The following COG5 variants were observed in gnomAD, a reference collection of about 807,000 sequenced individuals.
The protein encoded by COG5 is conserved oligomeric Golgi complex subunit 5.
In COG5, 86 loss-of-function variants were observed where a neutral mutation model predicts 110.4. The observed-to-expected ratio is 0.78, with a 90% confidence interval of 0.65 to 0.93. The LOEUF (loss-of-function observed/expected upper bound fraction) is 0.93. COG5 is among the 40% of genes least tolerant of loss of function. COG5 has a pLI of 0.00. For missense variants in COG5, 1,077 were observed against 987.0 expected (o/e 1.09, Z -1.22); for synonymous variants, 360 against 334.6 (o/e 1.08, Z -0.83).
intron 8 of COG5, among the ~76,000 whole-genome samples, chr7:107,366,371 C>G (rs899961804): frequency 2.8e-4 from 42 of 151,984 alleles, no homozygotes; most frequent in African/African-American, 9.9e-4. Context: ...GCACCAAGTG[C>G]AAGAAGATAC....
intron 10 of COG5, among the ~76,000 whole-genome samples, chr7:107,326,954 T>A (rs950364945): frequency 6.6e-6 from 1 of 152,046 alleles, no homozygotes; most frequent in Non-Finnish European, 1.5e-5. Context: ...GGTGGGAGAA[T>A]TGCTTGAGCC....
intron 17 of COG5, among the ~76,000 whole-genome samples, chr7:107,242,443 T>A (rs1801718067): frequency 6.6e-6 from 1 of 152,180 alleles, no homozygotes; most frequent in Non-Finnish European, 1.5e-5. Flanking sequence ...CATGGGTACC[T>A]GTTCCCATAT....
At chr7:107,241,417 C>CATCT (rs1429117776) in intron 17 of COG5, among the ~76,000 whole-genome samples, 108 of 135,830 alleles carry the variant, frequency 8.0e-4, no homozygotes, top group Middle Eastern at 3.9e-3. Flanking sequence ...TATCTATATC[C>CATCT]ATCTATCTAT....
intron 18 of COG5, among the ~76,000 whole-genome samples, chr7:107,233,092 G>T (rs1368289413): frequency 6.6e-6 from 1 of 152,140 alleles, no homozygotes; most frequent in African/African-American, 2.4e-5. Flanking sequence ...ATAAATGTAT[G>T]CTTAAAGGGC....
chr7:107,413,515 T>G (rs1792466253), intron 6 of COG5, among the ~76,000 whole-genome samples: 1 of 146,580 alleles, frequency 6.8e-6, no homozygotes, highest in Non-Finnish European at 1.5e-5. Context: ...AAGAGACATG[T>G]AGCAACAGAG....
chr7:107,223,188 A>G (rs1186251220), intron 19 of COG5, among the ~76,000 whole-genome samples: 1 of 152,200 alleles, frequency 6.6e-6, no homozygotes, highest in Non-Finnish European at 1.5e-5. Flanking sequence ...GAAATGAAAG[A>G]GTGGGAGAAG....
At chr7:107,281,657 G>C (rs1291788798) in intron 13 of COG5, among the ~76,000 whole-genome samples, 1 of 152,088 alleles carries the variant, frequency 6.6e-6, no homozygotes, top group Non-Finnish European at 1.5e-5. Flanking sequence ...GTGATTAAAG[G>C]AGTAAATTGT....
In COG5 at chr7:107,236,301, C is replaced by T. The variant is rs1245487275; in HGVS notation, c.2091+149G>A. ...GTATAAAAGTATCTTTAAACTCTCC[C>T]TTTTTTTTTTTAACTATTTATGCTT... On this transcript the variant is annotated intron_variant, in intron 18 of 21. Coordinates refer to ENST00000297135, the MANE Select transcript of COG5 (RefSeq NM_006348.5). The T allele has an allele frequency of 4.4e-5, 25 of 572,078 alleles. No individual in the cohort carries two copies. The East Asian group carries it at 6.5e-4, about 15-fold the overall frequency. 35.4% of individuals were successfully genotyped at this position (572,078 alleles called of 1,614,324 possible).
At chr7:107,259,144 A>G (rs1224754354) in intron 14 of COG5, among the ~76,000 whole-genome samples, 1 of 132,822 alleles carries the variant, frequency 7.5e-6, no homozygotes, top group Non-Finnish European at 1.7e-5. Context: ...CAAATTTAAG[A>G]AAAAAAAAAT....
intron 6 of COG5, among the ~76,000 whole-genome samples, chr7:107,495,627 T>A (rs986295131): frequency 6.6e-6 from 1 of 152,158 alleles, no homozygotes; most frequent in African/African-American, 2.4e-5. Context: ...AGGGCTAATA[T>A]GTGGGACTTA....
chr7:107,402,070 T>C (rs1383039394), intron 7 of COG5, among the ~76,000 whole-genome samples: 1 of 152,176 alleles, frequency 6.6e-6, no homozygotes, highest in African/African-American at 2.4e-5. Flanking sequence ...TCTTACTGTA[T>C]ACTATATAGA....
intron 21 of COG5, 106 bp from the exon 22 acceptor site, chr7:107,203,736 G>T: frequency 1.3e-6 from 1 of 749,440 alleles, no homozygotes; most frequent in Non-Finnish European, 2.3e-6. Flanking sequence ...TTCTGGAACT[G>T]TTAATGCTCG....
chr7:107,326,018 T>C (rs529706800), intron 10 of COG5, among the ~76,000 whole-genome samples: 2 of 152,336 alleles, frequency 1.3e-5, no homozygotes, highest in Non-Finnish European at 2.9e-5. Flanking sequence ...GTTAAGGAAG[T>C]ATAATATACC....
At chr7:107,386,326 G>A (rs950178736) in intron 7 of COG5, among the ~76,000 whole-genome samples, 4 of 152,072 alleles carry the variant, frequency 2.6e-5, no homozygotes, top group African/African-American at 7.2e-5. Context: ...ACTCTCCTGA[G>A]AGTCTGTAAG....
chr7:107,471,633 G>C (rs1796639433), intron 6 of COG5: 1 of 151,928 alleles, frequency 6.6e-6, no homozygotes, highest in Non-Finnish European at 1.5e-5. Context: ...ATTTTTAAAA[G>C]GGGAAGTTTA....
intron 14 of COG5, among the ~76,000 whole-genome samples, chr7:107,263,773 G>A (rs11766060): frequency 0.05 from 7,608 of 152,204 alleles, 276 homozygotes; most frequent in East Asian, 0.13. Context: ...TTCAATGTGT[G>A]AGAAACAACT....
intron 12 of COG5, among the ~76,000 whole-genome samples, chr7:107,285,401 T>G (rs1805545769): frequency 2.0e-5 from 3 of 152,222 alleles, no homozygotes; most frequent in Admixed American, 2.0e-4. Flanking sequence ...GAACTAACAC[T>G]TTCCCGTTCT....
At chr7:107,481,935 G>T (rs571709426) in intron 6 of COG5, among the ~76,000 whole-genome samples, 32 of 152,114 alleles carry the variant, frequency 2.1e-4, no homozygotes, top group African/African-American at 7.5e-4. Flanking sequence ...ATACTGACTG[G>T]TAAGTAAATA....
intron 10 of COG5, among the ~76,000 whole-genome samples, chr7:107,339,863 C>A (rs1483742121): frequency 1.3e-5 from 2 of 151,698 alleles, no homozygotes; most frequent in Non-Finnish European, 2.9e-5. Flanking sequence ...GCAGCAAAAG[C>A]AGTGTTAAGA....
Sources: gnomAD v4.1 joint callset for allele counts (sites outside exome capture counted in the v4.1 genomes callset) on GRCh38, gnomAD v4.1.1 for gene constraint, MANE v1.5 for transcripts, NCBI Gene and HGNC (gene_info 2026-07-23, HGNC 2026-07-21) for gene names.